The following CPED1 variants were observed in gnomAD, a reference collection of about 807,000 sequenced individuals.
CPED1 encodes cadherin-like and PC-esterase domain-containing protein 1.
Under a neutral mutation model 128.2 loss-of-function variants are expected in CPED1, and 114 were observed. That is an observed-to-expected ratio of 0.89 (90% confidence interval 0.76 to 1.04). The LOEUF (loss-of-function observed/expected upper bound fraction) is 1.04, where lower values mean the gene tolerates loss of function less well. Ranked by LOEUF, CPED1 falls within the 50% of genes least tolerant of loss-of-function variation. CPED1 has a pLI of 0.00. For synonymous variants in CPED1, 462 were observed against 426.7 expected (o/e 1.08, Z -1.02); for missense variants, 1,211 against 1,207.1 (o/e 1.00, Z -0.05).
At chr7:121,002,244 T>C (rs916284134) in intron 2 of CPED1, among the ~76,000 whole-genome samples, 27 of 152,084 alleles carry the variant, frequency 1.8e-4, no homozygotes, top group Admixed American at 1.6e-3. Context: ...TAGTGGAAAA[T>C]CTAGTATTAA....
chr7:121,048,108 G>A (rs1563005278), intron 4 of CPED1, among the ~76,000 whole-genome samples: 1 of 151,900 alleles, frequency 6.6e-6, no homozygotes, highest in Non-Finnish European at 1.5e-5. Context: ...CCCATTCTTT[G>A]AATCCCTGTG....
At chr7:121,139,753 G>GA (rs1795860066) in intron 14 of CPED1, among the ~76,000 whole-genome samples, 1 of 152,008 alleles carries the variant, frequency 6.6e-6, no homozygotes, top group East Asian at 1.9e-4. Flanking sequence ...AAAAGCAGGG[G>GA]AAAAAACAAC....
intron 5 of CPED1, among the ~76,000 whole-genome samples, 189 bp from the exon 6 acceptor site, chr7:121,097,508 CAT>C (rs1337646035): frequency 6.6e-6 from 1 of 152,108 alleles, no homozygotes; most frequent in African/African-American, 2.4e-5. Flanking sequence ...AGTAAGAGAA[CAT>C]ATGGCAAACA....
At chr7:121,205,322 T>C (rs1797494248) in intron 16 of CPED1, among the ~76,000 whole-genome samples, 1 of 152,056 alleles carries the variant, frequency 6.6e-6, no homozygotes, top group African/African-American at 2.4e-5. Context: ...CAACACTTAC[T>C]TCCATTTTTA....
chr7:121,105,579 C>A (rs1177548087), intron 7 of CPED1, among the ~76,000 whole-genome samples: 1 of 152,076 alleles, frequency 6.6e-6, no homozygotes, highest in East Asian at 1.9e-4. Context: ...ACTTAACCTA[C>A]TTTTGCTTGA....
intron 16 of CPED1, among the ~76,000 whole-genome samples, chr7:121,191,823 T>C (rs1264307865): frequency 6.6e-6 from 1 of 152,120 alleles, no homozygotes; most frequent in Non-Finnish European, 1.5e-5. Context: ...TTTTGAACTT[T>C]CCTTCAACGT....
intron 16 of CPED1, among the ~76,000 whole-genome samples, chr7:121,209,059 G>A (rs1326237956): frequency 1.3e-5 from 2 of 151,952 alleles, no homozygotes; most frequent in Non-Finnish European, 2.9e-5. Flanking sequence ...TTGTTGTTGT[G>A]CCAGATAGAT....
intron 18 of CPED1, among the ~76,000 whole-genome samples, chr7:121,260,639 C>CTTTTAT (rs58450815): frequency 0.41 from 62,644 of 151,344 alleles, 13,376 homozygotes; most frequent in Middle Eastern, 0.52. Context: ...CCTTACCTCA[C>CTTTTAT]TTTTATTTCC....
intron 4 of CPED1, among the ~76,000 whole-genome samples, chr7:121,048,974 C>T (rs533815639): frequency 8.6e-4 from 118 of 136,870 alleles, no homozygotes; most frequent in Non-Finnish European, 1.6e-3. Flanking sequence ...ATATTTTACC[C>T]CTGAAATCTA....
At chr7:121,157,421 T>C (rs1253347171) in intron 16 of CPED1, among the ~76,000 whole-genome samples, 1 of 152,114 alleles carries the variant, frequency 6.6e-6, no homozygotes, top group African/African-American at 2.4e-5. Flanking sequence ...GCCAACATTG[T>C]TAATGGGGAA....
At chr7:121,054,266 A>C (rs570803694) in intron 4 of CPED1, among the ~76,000 whole-genome samples, 1 of 152,116 alleles carries the variant, frequency 6.6e-6, no homozygotes, top group Non-Finnish European at 1.5e-5. Flanking sequence ...GATTCTTACC[A>C]TACCCGTGTT....
chr7:121,104,549 A>G (rs1299811303), intron 7 of CPED1, among the ~76,000 whole-genome samples: 2 of 152,118 alleles, frequency 1.3e-5, no homozygotes, highest in African/African-American at 2.4e-5. Context: ...TTTTATGAAA[A>G]TGTATCGCTG....
In CPED1 at chr7:121,103,671, TTG is replaced by T. The variant is rs142776626; in HGVS notation, c.918+3591_918+3592del. ...TCCTTAAATTCCACAAAACATAATT[TTG>T]TGTGTGTGTGTGTATGTGCACGTGT... On this transcript the variant is annotated intron_variant, in intron 7 of 22. Coordinates refer to ENST00000310396, the MANE Select transcript of CPED1 (RefSeq NM_024913.5). Among the ~76,000 whole-genome samples, 597 of 151,320 alleles carry T rather than the reference TTG, an allele frequency of 3.9e-3. 1 individual carries two copies. The highest frequency in any genetic ancestry group is 0.012 in the African/African-American group (496 of 41,316).
At chr7:121,067,934 A>G (rs1793886369) in intron 5 of CPED1, among the ~76,000 whole-genome samples, 1 of 152,092 alleles carries the variant, frequency 6.6e-6, no homozygotes, top group South Asian at 2.1e-4. Flanking sequence ...GTCTGTTCAT[A>G]TCCTTTGCCC....
At chr7:121,064,382 A>G in intron 5 of CPED1, 69 bp downstream of exon 5, 1 of 1,074,230 alleles carries the variant, frequency 9.3e-7, no homozygotes, top group Non-Finnish European at 1.4e-6. Context: ...AGAAGCAGCT[A>G]ACATGGTCTC....
chr7:121,276,801 A>G (rs923356608), intron 22 of CPED1, among the ~76,000 whole-genome samples: 7 of 152,214 alleles, frequency 4.6e-5, no homozygotes, highest in African/African-American at 1.7e-4. Flanking sequence ...TCCTGTATAT[A>G]GTAGAACATA....
chr7:121,234,661 GCCAGTCCAGGAACACATTCT>G (rs71170234), intron 16 of CPED1, among the ~76,000 whole-genome samples: 68,470 of 150,908 alleles, frequency 0.45, 16,182 homozygotes, highest in Middle Eastern at 0.56. Context: ...GACATCCACT[GCCAGTCCAGGAACACATTCT>G]CCAGTCCAGG....
chr7:121,014,483 A>G (rs981616385), intron 2 of CPED1, among the ~76,000 whole-genome samples: 1 of 150,830 alleles, frequency 6.6e-6, no homozygotes, highest in South Asian at 2.1e-4. Flanking sequence ...CCTGGGAGGC[A>G]GAGTTGCAGT....
chr7:121,042,103 A>G (rs1461890177), intron 3 of CPED1, among the ~76,000 whole-genome samples: 1 of 141,310 alleles, frequency 7.1e-6, no homozygotes, highest in African/African-American at 2.7e-5. Context: ...TTTCTCCGCA[A>G]CAGGGAAAGA....
Sources: gnomAD v4.1 joint callset for allele counts (sites outside exome capture counted in the v4.1 genomes callset) on GRCh38, gnomAD v4.1.1 for gene constraint, MANE v1.5 for transcripts, NCBI Gene and HGNC (gene_info 2026-07-23, HGNC 2026-07-21) for gene names.